The following TBC1D10A variants were observed in gnomAD, a reference collection of about 807,000 sequenced individuals.
TBC1D10A encodes the protein TBC1 domain family member 10A.
TBC1D10A carries 24 observed loss-of-function variants against 52.9 expected under a neutral mutation model. That is an observed-to-expected ratio of 0.45 (90% CI 0.33 to 0.64). The LOEUF (loss-of-function observed/expected upper bound fraction) is 0.64. Ranked by LOEUF, TBC1D10A falls within the 30% of genes least tolerant of loss-of-function variation. The pLI, the probability that TBC1D10A is intolerant of heterozygous loss-of-function variation, is 0.02. For missense variants in TBC1D10A, 602 were observed against 687.9 expected, an observed-to-expected ratio of 0.88 and a Z score of 1.40; for synonymous variants, 278 against 282.9, an observed-to-expected ratio of 0.98 and a Z score of 0.17.
intron 5 of TBC1D10A, 27 bp downstream of exon 5, chr22:30,294,914 C>G (rs1569158957): frequency 6.2e-7 from 1 of 1,614,048 alleles, no homozygotes; most frequent in Admixed American, 1.7e-5. Context: ...CCACCCACCC[C>G]CCTGCCTGCC....
Position 30,326,761 on chromosome 22 carries a change from G to A in TBC1D10A, c.121C>T (p.Leu41Phe). Reference protein sequence around the residue: ...DAATTDELSSLGSDSEANGFA... With the variant: ...DAATTDELSSFGSDSEANGFA... ...CCGTTGGCCTCCGAGTCAGACCCGAGAGAGCTGAGTTCGTCGGTGGTTGCG... is the reference window on the plus strand; with the variant it reads ...CCGTTGGCCTCCGAGTCAGACCCGAAAGAGCTGAGTTCGTCGGTGGTTGCG... The change falls in exon 1 of 9, where the codon CTC becomes TTC. Residue 41 changes from leucine to phenylalanine, a missense_variant. Leu to Phe is a conservative substitution (Grantham distance 22). Transcript: ENST00000215790. The A allele has an allele frequency of 6.6e-7, 1 of 1,526,262 alleles. No individual in the cohort carries two copies. Among genetic ancestry groups the A allele is most frequent in the South Asian group, 1.2e-5 (1 of 84,168 alleles). The allele number at this position is 1,526,262 out of a possible 1,614,324, so 94.5% of individuals were successfully genotyped here.
intron 1 of TBC1D10A, among the ~76,000 whole-genome samples, chr22:30,311,362 G>T (rs934199425): frequency 1.3e-5 from 2 of 152,214 alleles, no homozygotes; most frequent in African/African-American, 2.4e-5. Flanking sequence ...GAAAAAGGAA[G>T]AGGGTCTGCA....
At chr22:30,299,348 C>T (rs1249725086) in intron 3 of TBC1D10A, 96 bp downstream of exon 3, 2 of 1,255,664 alleles carry the variant, frequency 1.6e-6, no homozygotes, top group East Asian at 4.8e-5. Context: ...GACTGCTCAT[C>T]CTGTGAGGTT....
intron 1 of TBC1D10A, among the ~76,000 whole-genome samples, chr22:30,315,429 T>C (rs1955713129): frequency 6.6e-6 from 1 of 152,072 alleles, no homozygotes; most frequent in Admixed American, 6.6e-5. Context: ...CCCAGCTAAT[T>C]TTTTTGTATT....
intron 1 of TBC1D10A, among the ~76,000 whole-genome samples, chr22:30,314,683 A>G (rs758910160): frequency 5.9e-5 from 9 of 151,994 alleles, no homozygotes; most frequent in Non-Finnish European, 1.0e-4. Context: ...ATAGTGCTGC[A>G]TGTCTGTAGT....
At chr22:30,322,668 C>A (rs183617799) in intron 1 of TBC1D10A, among the ~76,000 whole-genome samples, 2 of 132,836 alleles carry the variant, frequency 1.5e-5, no homozygotes, top group African/African-American at 2.8e-5. Context: ...GATTTCAGCT[C>A]ACGGTAACCT....
intron 2 of TBC1D10A, among the ~76,000 whole-genome samples, chr22:30,300,170 G>A (rs897397649): frequency 7.9e-5 from 12 of 151,786 alleles, no homozygotes; most frequent in South Asian, 2.1e-4. Flanking sequence ...CCCTATAGGC[G>A]GGCACGCTGG....
intron 1 of TBC1D10A, among the ~76,000 whole-genome samples, chr22:30,317,587 T>C (rs1601680164): frequency 6.6e-6 from 1 of 152,176 alleles, no homozygotes; most frequent in African/African-American, 2.4e-5. Flanking sequence ...ATCCTTTGTA[T>C]ACAACCACAC....
chr22:30,293,601 C>A, intron 8 of TBC1D10A, 50 bp downstream of exon 8: 1 of 1,574,342 alleles, frequency 6.4e-7, no homozygotes, highest in Non-Finnish European at 8.6e-7. Flanking sequence ...TCAAAGGACC[C>A]CCACCTGTCT....
At position 30,326,774 on chromosome 22, in the gene TBC1D10A, G is replaced by A; in HGVS notation, c.108C>T (p.Asp36=). Residue 36 remains aspartate (D), a synonymous_variant, in exon 1 of 9, where the codon GAC becomes GAT. Coordinates refer to ENST00000215790, the MANE Select transcript of TBC1D10A (RefSeq NM_031937.3). The part of the protein sequence containing the change: ...LAQGPDAATT[D]ELSSLGSDSE... Reference sequence around the variant, plus strand: ...AGTCAGACCCGAGAGAGCTGAGTTCGTCGGTGGTTGCGGCGTCGGGGCCCT... The same window carrying A: ...AGTCAGACCCGAGAGAGCTGAGTTCATCGGTGGTTGCGGCGTCGGGGCCCT... The A allele has an allele frequency of 3.3e-6, 5 of 1,508,824 alleles. No homozygotes were observed. The highest frequency in any genetic ancestry group is 1.4e-5 in the African/African-American group (1 of 69,126). The allele number at this position is 1,508,824 out of a possible 1,614,324, so 93.5% of individuals were successfully genotyped here. A position where few individuals can be genotyped will look rare whatever the true frequency, so the allele number is the denominator to read the frequency against.
intron 1 of TBC1D10A, among the ~76,000 whole-genome samples, chr22:30,320,764 A>G (rs1020862191): frequency 6.6e-6 from 1 of 152,182 alleles, no homozygotes; most frequent in African/African-American, 2.4e-5. Context: ...ACATTCACTG[A>G]GCACCTACCC....
intron 1 of TBC1D10A, 99 bp downstream of exon 1, chr22:30,326,574 G>A (rs941279027): frequency 1.3e-5 from 15 of 1,192,706 alleles, no homozygotes; most frequent in South Asian, 1.5e-5. Flanking sequence ...GTCCCTGCCT[G>A]GGAGGGGGAC....
intron 3 of TBC1D10A, chr22:30,298,220 G>A (rs973688418): frequency 5.3e-5 from 8 of 152,366 alleles, no homozygotes; most frequent in African/African-American, 1.7e-4. Flanking sequence ...CTTGGACTGA[G>A]GTTCCCACCC....
chr22:30,321,386 C>T (rs1187364542), intron 1 of TBC1D10A, among the ~76,000 whole-genome samples: 1 of 152,200 alleles, frequency 6.6e-6, no homozygotes, highest in Non-Finnish European at 1.5e-5. Flanking sequence ...AAAGTAGATG[C>T]TCTGAGTTTA....
Position 30,295,787 on chromosome 22 carries a change from C to G in TBC1D10A, c.474G>C (p.Leu158=). 1.2e-6 allele frequency: 2 copies of G among 1,614,046 alleles called. No homozygotes were observed. The highest frequency in any genetic ancestry group is 1.7e-6 in the Non-Finnish European group (2 of 1,180,016). The change falls in exon 4 of 9, where the codon CTG becomes CTC. Residue 158 remains leucine (L), a synonymous_variant. Coordinates refer to ENST00000215790, the MANE Select transcript of TBC1D10A (RefSeq NM_031937.3). ...TCTCATGGAATGGGAACTGCCGGTG[C>G]AGGTCACGCTCAATCACGTCCAGCC... ...PKWLDVIERD[L]HRQFPFHEMF...
Position 30,293,684 on chromosome 22 carries a change from G to A in TBC1D10A, c.1017C>T (p.Pro339=). 1 of 1,612,186 alleles carries A rather than the reference G, an allele frequency of 6.2e-7. No individual in the cohort carries two copies. ...CCAGAAAGGCCTCCTGCATGATCTTGGGGCTGAGGCTCCGCAGTCGCTCGA... is the reference window on the plus strand; with the variant it reads ...CCAGAAAGGCCTCCTGCATGATCTTAGGGCTGAGGCTCCGCAGTCGCTCGA... ...ETIERLRSLS[P]KIMQEAFLVQ... Residue 339 remains proline, a synonymous_variant, in exon 8 of 9, where the codon CCC becomes CCT. Transcript: ENST00000215790.
At position 30,292,491 on chromosome 22, in the gene TBC1D10A, G is replaced by C; in HGVS notation, c.1411C>G (p.Pro471Ala). The change falls in exon 9 of 9, where the codon CCG (proline) becomes GCG (alanine). Residue 471 changes from proline to alanine, a missense_variant. Physicochemically the swap from Pro to Ala is conservative, Grantham distance 27 (BLOSUM62 -1). Around this residue, in one of 3 missense-constraint regions of TBC1D10A, gnomAD observed 265 missense variants for 275.1 expected, o/e 0.96. Transcript: ENST00000215790. Reference sequence around the variant, plus strand: ...GAGTCCTTGGGGGCTGAGTCCTTCGGGGGCACATGCTGTGGGGGACATGCA... The same window carrying C: ...GAGTCCTTGGGGGCTGAGTCCTTCGCGGGCACATGCTGTGGGGGACATGCA... ...GDACPPQHVP[P>A]KDSAPKDSAP... The C allele has an allele frequency of 6.2e-7, 1 of 1,608,354 alleles. No individual in the cohort carries two copies. Among genetic ancestry groups the C allele is most frequent in the African/African-American group, 1.3e-5 (1 of 74,996 alleles).
At chr22:30,300,769 G>A (rs746012298) in intron 2 of TBC1D10A, 5 of 152,204 alleles carry the variant, frequency 3.3e-5, no homozygotes, top group Non-Finnish European at 5.9e-5. Flanking sequence ...TTGACCCTGA[G>A]CTCCCAACAT....
At chr22:30,320,950 A>G (rs919517367) in intron 1 of TBC1D10A, among the ~76,000 whole-genome samples, 2 of 152,116 alleles carry the variant, frequency 1.3e-5, no homozygotes, top group African/African-American at 4.8e-5. Context: ...TCTCTTGCCC[A>G]CCTCGATATA....
Sources: allele counts gnomAD v4.1 joint callset (sites outside exome capture counted in the v4.1 genomes callset), GRCh38; gene constraint gnomAD v4.1.1; regional missense constraint gnomAD v4.1.1; transcripts MANE v1.5; gene names NCBI Gene and HGNC (gene_info 2026-07-23, HGNC 2026-07-21).